Variants in ITGA4 observed in about 807,000 individuals in gnomAD.
ITGA4 encodes integrin alpha-4.
ITGA4 carries 63 observed loss-of-function variants against 133.6 expected under a neutral mutation model. That is an observed-to-expected ratio of 0.47 (90% CI 0.38 to 0.58). The LOEUF is 0.58. ITGA4 is among the 20% of genes least tolerant of loss of function. The pLI is 0.00. For synonymous variants in ITGA4, 483 were observed against 438.0 expected (o/e 1.10, Z -1.28); for missense variants, 1,076 against 1,252.7 (o/e 0.86, Z 2.13).
chr2:181,488,532 C>T (rs560849795), intron 10 of ITGA4, among the ~76,000 whole-genome samples: 1 of 151,924 alleles, frequency 6.6e-6, no homozygotes, highest in East Asian at 1.9e-4. Context: ...TGCCATATAT[C>T]TTTTTCTACT....
At chr2:181,472,025 G>A (rs1685565890) in intron 2 of ITGA4, among the ~76,000 whole-genome samples, 1 of 152,218 alleles carries the variant, frequency 6.6e-6, no homozygotes, top group Non-Finnish European at 1.5e-5. Flanking sequence ...CTCATGTGGA[G>A]AGAAAGAAGT....
At chr2:181,509,179 A>C (rs1183155443) in intron 15 of ITGA4, among the ~76,000 whole-genome samples, 95 of 111,344 alleles carry the variant, frequency 8.5e-4, no homozygotes, top group African/African-American at 2.8e-3. Context: ...AAAAAAAAAA[A>C]AAACTAAAAA....
At chr2:181,534,029 T>G (rs999964715) in intron 25 of ITGA4, among the ~76,000 whole-genome samples, 6 of 152,216 alleles carry the variant, frequency 3.9e-5, no homozygotes, top group Non-Finnish European at 7.4e-5. Context: ...TGTAGTCTAA[T>G]ATTTAAATCA....
At position 181,495,690 on chromosome 2, in the gene ITGA4, C is replaced by T. The variant is rs925321386; in HGVS notation, c.1386-93C>T. 1.8e-6 allele frequency: 2 copies of T among 1,089,734 alleles called. No individual in the cohort carries two copies. The highest frequency in any genetic ancestry group is 2.7e-6 in the Non-Finnish European group (2 of 744,174). The allele number at this position is 1,089,734 out of a possible 1,614,324, so 67.5% of individuals were successfully genotyped here. On this transcript the variant is annotated intron_variant, in intron 13 of 27. Transcript: ENST00000397033. This position sits in a 1 kb window ranked among gnomAD's most constrained non-coding sequence, Gnocchi z 4.3. ...ACACATAATAAGACTCATGAAATTA[C>T]TTGGTGAATGTAAACTGAAAAAACA... is the stretch of plus-strand genomic sequence containing the variant.
Position 181,530,591 on chromosome 2 carries a change from C to T in ITGA4, c.2606C>T (p.Ala869Val), listed in dbSNP as rs893262515. Residue 869 changes from alanine to valine, a missense_variant, in exon 24 of 28, where the codon GCA (alanine) becomes GTA (valine). Coordinates refer to ENST00000397033, the MANE Select transcript of ITGA4 (RefSeq NM_000885.6). ...TGTGCATTAGAGCAGCAAAAGAGTG[C>T]AATGCAGACCTTGAAAGGCATAGTC... is the stretch of plus-strand genomic sequence containing the variant. ...RVCALEQQKS[A>V]MQTLKGIVRF... 1 of 1,611,442 alleles carries T rather than the reference C, an allele frequency of 6.2e-7. No individual in the cohort carries two copies. The highest frequency in any genetic ancestry group is 1.3e-5 in the African/African-American group (1 of 74,824).
chr2:181,515,659 T>A (rs1487156944), intron 17 of ITGA4, among the ~76,000 whole-genome samples: 1 of 152,118 alleles, frequency 6.6e-6, no homozygotes, highest in Non-Finnish European at 1.5e-5. Flanking sequence ...TAAATGATTA[T>A]TTGAGGAACT....
chr2:181,509,599 ATTTT>A (rs888187135), intron 15 of ITGA4, 55 bp from the exon 16 acceptor site: 2 of 1,365,024 alleles, frequency 1.5e-6, no homozygotes, highest in African/African-American at 3.0e-5. Flanking sequence ...AAGGAGTTTT[ATTTT>A]TTTTTAATCT....
intron 2 of ITGA4, among the ~76,000 whole-genome samples, chr2:181,466,592 C>A (rs1343538794): frequency 6.6e-6 from 1 of 152,068 alleles, no homozygotes; most frequent in Non-Finnish European, 1.5e-5. Context: ...TACTTTCCAT[C>A]ACCCAAAATT....
rs375969278 is a variant in ITGA4 at position 181,495,479 on chromosome 2, G to A, written c.1385+63G>A. On this transcript the variant is annotated intron_variant, in intron 13 of 27. Transcript: ENST00000397033. The surrounding 1 kb of genome is among the most constrained non-coding windows in gnomAD (Gnocchi z 4.3). ...GTTTAATTGTAAAATGATGGGAGGT[G>A]GTGTTTAAAATCAGCAGTGGTAGTG... 1.2e-5 allele frequency: 15 copies of A among 1,233,412 alleles called. No individual in the cohort carries two copies. Among genetic ancestry groups the A allele is most frequent in the Non-Finnish European group, 1.8e-5 (15 of 834,748 alleles). The allele number at this position is 1,233,412 out of a possible 1,614,324, so 76.4% of individuals were successfully genotyped here. A position where few individuals can be genotyped will look rare whatever the true frequency, so the allele number is the denominator to read the frequency against.
chr2:181,481,104 T>A (rs1478033021), intron 6 of ITGA4, among the ~76,000 whole-genome samples: 1 of 152,190 alleles, frequency 6.6e-6, no homozygotes, highest in Non-Finnish European at 1.5e-5. Context: ...TTTTCTTGTT[T>A]ATGATGAAAG....
rs945540679 is a variant in ITGA4 at position 181,538,271 on chromosome 2, A to C, written c.*2744A>C. The C allele has an allele frequency of 7.7e-6, 11 of 1,432,788 alleles. No homozygotes were observed. The highest frequency in any genetic ancestry group is 1.1e-5 in the Non-Finnish European group (11 of 1,017,634). 88.8% of individuals were successfully genotyped at this position (1,432,788 alleles called of 1,614,324 possible). ...TGTAAAGAAAATACATTATTTCATCAACTTATTTTGTTGTTTTTCACATAC... is the reference window on the plus strand; with the variant it reads ...TGTAAAGAAAATACATTATTTCATCCACTTATTTTGTTGTTTTTCACATAC... On this transcript the variant is annotated 3_prime_UTR_variant, in exon 28 of 28. Transcript: ENST00000397033.
intron 2 of ITGA4, among the ~76,000 whole-genome samples, chr2:181,462,300 C>T (rs1317513924): frequency 6.6e-6 from 1 of 152,120 alleles, no homozygotes; most frequent in East Asian, 1.9e-4. Flanking sequence ...AGTTAGTCAC[C>T]ATTACCCATA....
intron 14 of ITGA4, among the ~76,000 whole-genome samples, chr2:181,497,848 G>C (rs1686185413): frequency 6.6e-6 from 1 of 151,742 alleles, no homozygotes; most frequent in Non-Finnish European, 1.5e-5. Flanking sequence ...ATCTGGCTTG[G>C]ACGTTTTTGT....
Position 181,519,278 on chromosome 2 carries a change from T to C in ITGA4, c.1923-2913T>C, listed in dbSNP as rs117990570. ...AACCGAACAAAACCAAGTTATATTA[T>C]TAAAAATCAAGGAGGGTGAGGACAA... On this transcript the variant is annotated intron_variant, in intron 17 of 27. Transcript: ENST00000397033. Among the ~76,000 whole-genome samples the C allele has an allele frequency of 1.2e-4, 19 of 152,200 alleles. No individual in the cohort carries two copies. In the East Asian group the frequency reaches 3.7e-3, roughly 29 times the overall value.
In ITGA4 at chr2:181,536,084, A is replaced by G. The variant is rs921037635; in HGVS notation, c.*557A>G. ...TCCTACGGGCTGTGTTCCAACAACC[A>G]TTTTTTTTCAGCAGACTATGAATAT... On this transcript the variant is annotated 3_prime_UTR_variant, in exon 28 of 28. Transcript: ENST00000397033. 2 of 151,726 alleles carry G rather than the reference A, an allele frequency of 1.3e-5. No homozygotes were observed. The highest frequency in any genetic ancestry group is 1.9e-4 in the East Asian group (1 of 5,194). The allele number at this position is 151,726 out of a possible 1,614,324, so 9.4% of individuals were successfully genotyped here.
chr2:181,483,080 T>C (rs187106732), intron 9 of ITGA4, among the ~76,000 whole-genome samples: 1 of 152,322 alleles, frequency 6.6e-6, no homozygotes, highest in Admixed American at 6.5e-5. Flanking sequence ...TTCAATTTCT[T>C]AATTTGAAAA....
intron 2 of ITGA4, among the ~76,000 whole-genome samples, chr2:181,464,992 C>CA (rs1685378034): frequency 6.6e-6 from 1 of 152,054 alleles, no homozygotes; most frequent in South Asian, 2.1e-4. Flanking sequence ...CTATAATTCA[C>CA]AAAAATGTTC....
chr2:181,499,889 A>G (rs1686234267), intron 15 of ITGA4, among the ~76,000 whole-genome samples: 1 of 152,200 alleles, frequency 6.6e-6, no homozygotes, highest in African/African-American at 2.4e-5. Context: ...AAAGAAATAC[A>G]TTGTGTTAAA....
intron 2 of ITGA4, chr2:181,459,156 A>G (rs527294262): frequency 6.6e-6 from 1 of 152,344 alleles, no homozygotes; most frequent in African/African-American, 2.4e-5. Context: ...TTCCTAGTTT[A>G]TGTATGAGGA....
Sources: gnomAD v4.1 joint callset for allele counts (sites outside exome capture counted in the v4.1 genomes callset) on GRCh38, gnomAD v4.1.1 for gene constraint, Gnocchi (gnomAD v3.1) non-coding constraint, MANE v1.5 for transcripts, NCBI Gene and HGNC (gene_info 2026-07-23, HGNC 2026-07-21) for gene names.